STPG2: variants seen among roughly 807,000 people sequenced by gnomAD.
The protein encoded by STPG2 is sperm-tail PG-rich repeat-containing protein 2.
Under a neutral mutation model 54.2 loss-of-function variants are expected in STPG2, and 56 were observed. The ratio of observed to expected loss-of-function variants is 1.03; its 90% CI spans 0.83 to 1.29. The LOEUF (loss-of-function observed/expected upper bound fraction) is 1.29. Among genes scored for constraint, STPG2 ranks in the 50% most tolerant of loss-of-function variants. The pLI is 0.00. For synonymous variants in STPG2, 200 were observed against 181.8 expected, an observed-to-expected ratio of 1.10 and a Z score of -0.81; for missense variants, 596 against 544.9, an observed-to-expected ratio of 1.09 and a Z score of -0.93.
intron 10 of STPG2, among the ~76,000 whole-genome samples, chr4:97,686,273 T>G (rs1258642313): frequency 1.3e-5 from 2 of 152,028 alleles, no homozygotes; most frequent in Non-Finnish European, 2.9e-5. Context: ...TCTCTCTCTG[T>G]CTTTCATATT....
intron 9 of STPG2, among the ~76,000 whole-genome samples, chr4:97,771,963 A>G (rs573382977): frequency 6.6e-6 from 1 of 152,330 alleles, no homozygotes; most frequent in East Asian, 1.9e-4. Flanking sequence ...GAGGGCCTGT[A>G]CATTCTGAAT....
intron 10 of STPG2, among the ~76,000 whole-genome samples, chr4:97,573,118 T>C (rs1221977142): frequency 1.3e-5 from 2 of 152,104 alleles, no homozygotes; most frequent in Non-Finnish European, 2.9e-5. Flanking sequence ...ATTTTCATTC[T>C]TCTATATGGG....
At chr4:97,628,858 A>C (rs1721147535) in intron 10 of STPG2, among the ~76,000 whole-genome samples, 1 of 152,074 alleles carries the variant, frequency 6.6e-6, no homozygotes, top group African/African-American at 2.4e-5. Context: ...ATTTGACTCT[A>C]GATTAACTTC....
chr4:97,874,673 A>G (rs986290528), intron 8 of STPG2, among the ~76,000 whole-genome samples: 2 of 151,742 alleles, frequency 1.3e-5, no homozygotes, highest in Non-Finnish European at 3.0e-5. Context: ...AAATTCACTC[A>G]TGTTCTTGAT....
intron 7 of STPG2, among the ~76,000 whole-genome samples, chr4:97,954,106 G>T (rs1169164536): frequency 6.6e-6 from 1 of 152,188 alleles, no homozygotes; most frequent in African/African-American, 2.4e-5. Flanking sequence ...AAATTACCAA[G>T]AAATTAATTA....
intron 4 of STPG2, among the ~76,000 whole-genome samples, chr4:97,455,872 A>G (rs1578312630): frequency 6.6e-6 from 1 of 152,232 alleles, no homozygotes; most frequent in East Asian, 1.9e-4. Context: ...GGAGCCCCAC[A>G]ACCTGCCCAT....
At chr4:97,524,401 G>T (rs1731241065) in intron 4 of STPG2, among the ~76,000 whole-genome samples, 1 of 151,844 alleles carries the variant, frequency 6.6e-6, no homozygotes, top group South Asian at 2.1e-4. Flanking sequence ...TAAATTTCTT[G>T]AAAGCAAATT....
chr4:97,540,713 A>C (rs1731676402), intron 4 of STPG2, among the ~76,000 whole-genome samples: 1 of 152,174 alleles, frequency 6.6e-6, no homozygotes, highest in Non-Finnish European at 1.5e-5. Flanking sequence ...TTGATGCAAA[A>C]ATCCTCACTA....
intron 4 of STPG2, among the ~76,000 whole-genome samples, chr4:97,547,143 G>A (rs919361248): frequency 6.6e-6 from 1 of 151,760 alleles, no homozygotes; most frequent in Non-Finnish European, 1.5e-5. Flanking sequence ...AAGGGCTAGA[G>A]AGATAAACCA....
At chr4:97,920,965 T>C (rs1732083597) in intron 8 of STPG2, among the ~76,000 whole-genome samples, 1 of 152,142 alleles carries the variant, frequency 6.6e-6, no homozygotes, top group South Asian at 2.1e-4. Flanking sequence ...AACATCAACT[T>C]GAACAACTGT....
chr4:97,456,476 C>T (rs1240230938), intron 4 of STPG2, among the ~76,000 whole-genome samples: 1 of 152,178 alleles, frequency 6.6e-6, no homozygotes, highest in Non-Finnish European at 1.5e-5. Context: ...CACCAAACCC[C>T]TCCTCCAATG....
chr4:97,590,634 C>CACAG (rs528546206), intron 10 of STPG2, among the ~76,000 whole-genome samples: 1,447 of 108,988 alleles, frequency 0.013, 22 homozygotes, highest in African/African-American at 0.068. Flanking sequence ...CACACAGACA[C>CACAG]ACAGACACAC....
At chr4:97,729,598 AAT>A (rs763005216) in intron 9 of STPG2, among the ~76,000 whole-genome samples, 2 of 152,142 alleles carry the variant, frequency 1.3e-5, no homozygotes, top group African/African-American at 2.4e-5. Flanking sequence ...CCTATTACAC[AAT>A]CAGGAATTTG....
At chr4:98,045,344 C>T (rs981975595) in intron 5 of STPG2, among the ~76,000 whole-genome samples, 15 of 152,160 alleles carry the variant, frequency 9.9e-5, no homozygotes, top group African/African-American at 1.7e-4. Flanking sequence ...CAGTTTTTTC[C>T]CTCTAAGACA....
intron 8 of STPG2, among the ~76,000 whole-genome samples, chr4:97,933,721 T>A (rs893964311): frequency 6.6e-6 from 1 of 152,222 alleles, no homozygotes; most frequent in South Asian, 2.1e-4. Context: ...CGTTGATCTA[T>A]GTGTCTCCTT....
rs144733857 is a variant in STPG2, at chr4:97,611,445, A to G, written c.1321-52328T>C. Among the ~76,000 whole-genome samples, 356 of 152,084 alleles carry G rather than the reference A, an allele frequency of 2.3e-3. 1 individual carries two copies. The highest frequency in any genetic ancestry group is 3.9e-3 in the Admixed American group (60 of 15,222). On this transcript the variant is annotated intron_variant, in intron 10 of 10. Transcript: ENST00000295268. Reference sequence around the variant, plus strand: ...CAGTAAACAATATCTAGGCTTTTATAATAAAAGACTATACCAAAAGCAAGT... The same window carrying G: ...CAGTAAACAATATCTAGGCTTTTATGATAAAAGACTATACCAAAAGCAAGT...
In STPG2 at chr4:97,712,700, T is replaced by C. The variant is rs376773252; in HGVS notation, c.1319A>G (p.Glu440Gly). 1.9e-5 allele frequency: 30 copies of C among 1,567,734 alleles called. No individual in the cohort carries two copies. The highest frequency in any genetic ancestry group is 2.3e-5 in the East Asian group (1 of 43,618). Residue 440 changes from glutamate (E) to glycine (G), a missense_variant and splice_region_variant, in exon 10 of 11, where the codon GAG becomes GGG. By Grantham distance (98) the Glu-to-Gly change is moderately conservative. Coordinates refer to ENST00000295268, the MANE Select transcript of STPG2 (RefSeq NM_174952.3). ...KEITPGPATY[E>G]ISQEKKKGNL... ...GTTAAGAAGGAAATATTGACAAACC[T>C]CATATGTTGCTGGGCCTGGAGTAAT...
rs1738911464 is a variant in STPG2 at position 98,097,993 on chromosome 4, T to C, written c.612+7960A>G. 2.0e-5 allele frequency among the ~76,000 whole-genome samples: 3 copies of C among 152,064 alleles called. No homozygotes were observed. In the South Asian group the frequency reaches 6.2e-4, roughly 31 times the overall value. Reference sequence around the variant, plus strand: ...AAGCAGACACCAAAAGATAGAAAGATATTCCTTGTTCATCGATTGGAAGAA... The same window carrying C: ...AAGCAGACACCAAAAGATAGAAAGACATTCCTTGTTCATCGATTGGAAGAA... On this transcript the variant is annotated intron_variant, in intron 5 of 10. Coordinates refer to ENST00000295268, the MANE Select transcript of STPG2 (RefSeq NM_174952.3).
intron 5 of STPG2, among the ~76,000 whole-genome samples, chr4:98,089,909 T>G (rs886186390): frequency 1.4e-4 from 22 of 152,126 alleles, no homozygotes; most frequent in African/African-American, 5.1e-4. Context: ...TATTTTTTTC[T>G]TGTTTATTTG....
Sources: gnomAD v4.1 joint callset for allele counts (sites outside exome capture counted in the v4.1 genomes callset) on GRCh38, gnomAD v4.1.1 for gene constraint, MANE v1.5 for transcripts, NCBI Gene and HGNC (gene_info 2026-07-23, HGNC 2026-07-21) for gene names.